Variants in TMEM117 observed in about 807,000 individuals in gnomAD.
TMEM117 encodes the protein transmembrane protein 117.
Under a neutral mutation model 52.4 loss-of-function variants are expected in TMEM117, and 27 were observed. That is an observed-to-expected ratio of 0.51 (90% CI 0.38 to 0.71). The LOEUF (loss-of-function observed/expected upper bound fraction) is 0.71, where lower values mean the gene tolerates loss of function less well. Ranked by LOEUF, TMEM117 falls within the 30% of genes least tolerant of loss-of-function variation. The pLI is 0.00. For synonymous variants in TMEM117, 215 were observed against 206.3 expected (o/e 1.04, Z -0.36); for missense variants, 556 against 630.5 (o/e 0.88, Z 1.26).
intron 5 of TMEM117, among the ~76,000 whole-genome samples, chr12:44,262,271 A>G (rs1039210203): frequency 6.6e-6 from 1 of 152,212 alleles, no homozygotes; most frequent in Admixed American, 6.5e-5. Context: ...AGTGTCTAGT[A>G]TATACTATAC....
chr12:44,147,669 C>G (rs1948663115), intron 4 of TMEM117, among the ~76,000 whole-genome samples: 1 of 152,040 alleles, frequency 6.6e-6, no homozygotes, highest in Admixed American at 6.6e-5. Context: ...GGCGCGGTGG[C>G]TCACACCTGT....
At chr12:43,923,281 T>C (rs770801246) in intron 2 of TMEM117, among the ~76,000 whole-genome samples, 1 of 152,218 alleles carries the variant, frequency 6.6e-6, no homozygotes, top group Non-Finnish European at 1.5e-5. Context: ...TGGCCCATTA[T>C]AGTGGATTTA....
chr12:44,023,223 G>A (rs907476905), intron 3 of TMEM117, among the ~76,000 whole-genome samples: 1 of 152,142 alleles, frequency 6.6e-6, no homozygotes, highest in Middle Eastern at 3.4e-3. Flanking sequence ...CCAGTCTATC[G>A]TTGTTGGACA....
intron 4 of TMEM117, among the ~76,000 whole-genome samples, chr12:44,194,791 A>G (rs1378011422): frequency 1.3e-5 from 2 of 152,192 alleles, no homozygotes; most frequent in Non-Finnish European, 2.9e-5. Flanking sequence ...GGATTGAGCC[A>G]CTGCATCCAG....
Position 43,838,145 on chromosome 12 carries a change from A to G in TMEM117, c.-29+1949A>G, listed in dbSNP as rs77898379. Among the ~76,000 whole-genome samples, 990 of 151,984 alleles carry G rather than the reference A, an allele frequency of 6.5e-3. 18 individuals carry two copies. Among genetic ancestry groups the G allele is most frequent in the African/African-American group, 0.023 (934 of 41,430 alleles). On this transcript the variant is annotated intron_variant, in intron 1 of 7. Coordinates refer to ENST00000266534, the MANE Select transcript of TMEM117 (RefSeq NM_032256.3). ...TATTTGTGTTTTTTTTTTAACCTGTATTAGGCACTTGCATTATGTAAAATG... is the reference window on the plus strand; with the variant it reads ...TATTTGTGTTTTTTTTTTAACCTGTGTTAGGCACTTGCATTATGTAAAATG...
chr12:44,030,468 C>T (rs1946615366), intron 3 of TMEM117, among the ~76,000 whole-genome samples: 1 of 152,174 alleles, frequency 6.6e-6, no homozygotes, highest in Non-Finnish European at 1.5e-5. Flanking sequence ...CCAGGATTTT[C>T]ACCAAAAGTA....
intron 3 of TMEM117, among the ~76,000 whole-genome samples, chr12:44,022,393 C>A (rs971207292): frequency 6.6e-6 from 1 of 152,118 alleles, no homozygotes; most frequent in Admixed American, 6.5e-5. Context: ...ATGACTTGGG[C>A]GTCCAAAGGG....
chr12:44,367,266 G>A (rs1306345154), intron 6 of TMEM117, among the ~76,000 whole-genome samples: 1 of 151,970 alleles, frequency 6.6e-6, no homozygotes, highest in Non-Finnish European at 1.5e-5. Context: ...CTCTAATCAG[G>A]CCTTTGTCCC....
chr12:44,299,841 C>A, intron 6 of TMEM117, 102 bp downstream of exon 6: 1 of 1,386,080 alleles, frequency 7.2e-7, no homozygotes, highest in Non-Finnish European at 9.8e-7. Flanking sequence ...ATAAGTACAG[C>A]ATTTACAGTT....
At chr12:44,218,505 A>G (rs1276227708) in intron 5 of TMEM117, among the ~76,000 whole-genome samples, 2 of 152,200 alleles carry the variant, frequency 1.3e-5, no homozygotes, top group Non-Finnish European at 2.9e-5. Flanking sequence ...AAGGTCATAC[A>G]TGAAAAGCCC....
chr12:44,237,726 A>C (rs1319361534), intron 5 of TMEM117, among the ~76,000 whole-genome samples: 3 of 152,236 alleles, frequency 2.0e-5, no homozygotes, highest in Admixed American at 6.5e-5. Context: ...CAATTAAAAA[A>C]AAAACAAAAC....
At chr12:44,014,175 G>C (rs571102647) in intron 3 of TMEM117, among the ~76,000 whole-genome samples, 1 of 152,268 alleles carries the variant, frequency 6.6e-6, no homozygotes, top group Non-Finnish European at 1.5e-5. Context: ...GCTCTAGGTA[G>C]ATAGGCCATT....
intron 2 of TMEM117, among the ~76,000 whole-genome samples, chr12:43,881,353 G>A (rs1943892380): frequency 6.6e-6 from 1 of 152,208 alleles, no homozygotes; most frequent in East Asian, 1.9e-4. Context: ...AGAACTCTCT[G>A]TCACCCAGGC....
At chr12:44,266,110 C>T (rs1043131064) in intron 5 of TMEM117, among the ~76,000 whole-genome samples, 10 of 152,030 alleles carry the variant, frequency 6.6e-5, no homozygotes, top group African/African-American at 2.4e-4. Context: ...GGGTGTATAG[C>T]TAGAAGTGAA....
chr12:43,971,056 ACCCAGTAGCTAAGG>A (rs1388060054), intron 3 of TMEM117, among the ~76,000 whole-genome samples: 1 of 152,146 alleles, frequency 6.6e-6, no homozygotes, highest in East Asian at 1.9e-4. Flanking sequence ...ACAGTTATGT[ACCCAGTAGCTAAGG>A]CCAGACTTAC....
intron 2 of TMEM117, among the ~76,000 whole-genome samples, chr12:43,939,364 A>G (rs887997046): frequency 1.3e-5 from 2 of 152,166 alleles, no homozygotes; most frequent in Non-Finnish European, 2.9e-5. Context: ...GAATCCCTTC[A>G]TTTGTCCTTT....
intron 5 of TMEM117, among the ~76,000 whole-genome samples, chr12:44,268,442 C>G (rs1950406312): frequency 6.6e-6 from 1 of 152,154 alleles, no homozygotes; most frequent in African/African-American, 2.4e-5. Flanking sequence ...CAGCACCTGG[C>G]CCCATGGTGT....
intron 5 of TMEM117, among the ~76,000 whole-genome samples, chr12:44,221,942 G>A (rs930070477): frequency 9.2e-5 from 14 of 151,918 alleles, no homozygotes; most frequent in South Asian, 4.2e-4. Flanking sequence ...CAGGTAATCC[G>A]CCCGCCTTAG....
intron 3 of TMEM117, among the ~76,000 whole-genome samples, chr12:44,070,029 A>G (rs144490011): frequency 7.2e-5 from 11 of 152,268 alleles, no homozygotes; most frequent in African/African-American, 2.4e-4. Context: ...AGCTGGGACT[A>G]CAGGCACATG....
Sources: gnomAD v4.1 joint callset for allele counts (sites outside exome capture counted in the v4.1 genomes callset) on GRCh38, gnomAD v4.1.1 for gene constraint, MANE v1.5 for transcripts, NCBI Gene and HGNC (gene_info 2026-07-23, HGNC 2026-07-21) for gene names.